The following GSC variants were observed in gnomAD, a reference collection of about 807,000 sequenced individuals.
GSC encodes the protein goosecoid homeobox.
GSC carries 13 observed loss-of-function variants against 24.5 expected under a neutral mutation model. The ratio of observed to expected loss-of-function variants is 0.53; its 90% CI spans 0.35 to 0.84. The LOEUF is 0.84. Among genes scored for constraint, GSC ranks in the 40% least tolerant of loss-of-function variants. The pLI, the probability that GSC is intolerant of heterozygous loss-of-function variation, is 0.01. For synonymous variants in GSC, 199 were observed against 182.1 expected (o/e 1.09, Z -0.75); for missense variants, 382 against 384.2 (o/e 0.99, Z 0.05).
rs371496658 is a variant in GSC at position 94,768,467 on chromosome 14, A to C, written c.*24T>G. The C allele has an allele frequency of 1.1e-4, 173 of 1,613,944 alleles. No homozygotes were observed. The highest frequency in any genetic ancestry group is 1.4e-4 in the Non-Finnish European group (169 of 1,179,944). On this transcript the variant is annotated 3_prime_UTR_variant, in exon 3 of 3. Coordinates refer to ENST00000238558, the MANE Select transcript of GSC (RefSeq NM_173849.3). ...GCAAGTCCTTCGAGTTAGGTAAGTA[A>C]TACGGGCAAGTGTCCCGCGGCCGTC... is the stretch of plus-strand genomic sequence containing the variant.
chr14:94,768,735 C>G (rs1885220015), intron 2 of GSC, 86 bp from the exon 3 acceptor site: 2 of 1,547,328 alleles, frequency 1.3e-6, no homozygotes, highest in East Asian at 4.5e-5. Flanking sequence ...GGTGTGGCGG[C>G]GGGACACCCC....
In GSC at chr14:94,770,043, G is replaced by T. The variant is rs776496067; in HGVS notation, c.-28C>A. 7 of 1,534,044 alleles carry T rather than the reference G, an allele frequency of 4.6e-6. No individual in the cohort carries two copies. Among genetic ancestry groups the T allele is most frequent in the Non-Finnish European group, 4.4e-6 (5 of 1,147,686 alleles). On this transcript the variant is annotated 5_prime_UTR_variant, in exon 1 of 3. Coordinates refer to ENST00000238558, the MANE Select transcript of GSC (RefSeq NM_173849.3). ...CCGAGCCCCGCGTCGGGACCGGGGGGCGGCGGGAACGCGCCGAGGACAGAG... is the reference window on the plus strand; with the variant it reads ...CCGAGCCCCGCGTCGGGACCGGGGGTCGGCGGGAACGCGCCGAGGACAGAG...
chr14:94,769,458 C>T (rs1357815870), intron 1 of GSC, among the ~76,000 whole-genome samples: 2 of 151,320 alleles, frequency 1.3e-5, no homozygotes, highest in African/African-American at 4.9e-5. Flanking sequence ...ACCCAGTTTC[C>T]CCGGGCAGGC....
rs1358863231 is a variant in GSC, at chr14:94,768,370, CT to C, written c.*120del. 7 of 1,290,374 alleles carry C rather than the reference CT, an allele frequency of 5.4e-6. No individual in the cohort carries two copies. The highest frequency in any genetic ancestry group is 7.8e-6 in the Non-Finnish European group (7 of 894,788). The allele number at this position is 1,290,374 out of a possible 1,614,324, so 79.9% of individuals were successfully genotyped here. A position where few individuals can be genotyped will look rare whatever the true frequency, so the allele number is the denominator to read the frequency against. Reference sequence around the variant, plus strand: ...TCCCGGCTCTGTACACTATTTACAGCTCCTCGTTCCTCTTTCTCGACCCCCT... The same window carrying C: ...TCCCGGCTCTGTACACTATTTACAGCCCTCGTTCCTCTTTCTCGACCCCCT... On this transcript the variant is annotated 3_prime_UTR_variant, in exon 3 of 3. Transcript: ENST00000238558.
At position 94,768,461 on chromosome 14, in the gene GSC, T is replaced by C; in HGVS notation, c.*30A>G. Reference sequence around the variant, plus strand: ...GTCTGTGCAAGTCCTTCGAGTTAGGTAAGTAATACGGGCAAGTGTCCCGCG... The same window carrying C: ...GTCTGTGCAAGTCCTTCGAGTTAGGCAAGTAATACGGGCAAGTGTCCCGCG... On this transcript the variant is annotated 3_prime_UTR_variant, in exon 3 of 3. Transcript: ENST00000238558. 1 of 1,613,776 alleles carries C rather than the reference T, an allele frequency of 6.2e-7. No individual in the cohort carries two copies. Among genetic ancestry groups the C allele is most frequent in the Non-Finnish European group, 8.5e-7 (1 of 1,179,706 alleles).
At position 94,768,389 on chromosome 14, in the gene GSC, G is replaced by A. The variant is rs747785381; in HGVS notation, c.*102C>T. The stretch of plus-strand genomic sequence containing the variant: ...TTACAGCTCCTCGTTCCTCTTTCTC[G>A]ACCCCCTCCCGCAAGGCAGCGCGTG... On this transcript the variant is annotated 3_prime_UTR_variant, in exon 3 of 3. Coordinates refer to ENST00000238558, the MANE Select transcript of GSC (RefSeq NM_173849.3). The A allele has an allele frequency of 7.0e-7, 1 of 1,419,004 alleles. No homozygotes were observed. The highest frequency in any genetic ancestry group is 1.4e-5 in the African/African-American group (1 of 71,160). The allele number at this position is 1,419,004 out of a possible 1,614,324, so 87.9% of individuals were successfully genotyped here.
At position 94,769,174 on chromosome 14, in the gene GSC, G is replaced by T. The variant is rs919228928; in HGVS notation, c.399C>A (p.His133Gln). ...PGSVLVSPVPHQMLPYMNVGT... is the reference protein window; with the variant it reads ...PGSVLVSPVPQQMLPYMNVGT... The stretch of plus-strand genomic sequence containing the variant: ...CCACGTTCATGTAGGGCAGCATCTG[G>T]TGCGGTACCGGGGACACCAGCACCG... Residue 133 changes from histidine to glutamine, a missense_variant, in exon 2 of 3, where the codon CAC becomes CAA. Physicochemically the swap from His to Gln is conservative, Grantham distance 24. Coordinates refer to ENST00000238558, the MANE Select transcript of GSC (RefSeq NM_173849.3). 1.3e-6 allele frequency: 2 copies of T among 1,562,710 alleles called. No individual in the cohort carries two copies. The highest frequency in any genetic ancestry group is 2.7e-5 in the African/African-American group (2 of 73,788).
At position 94,769,150 on chromosome 14, in the gene GSC, C is replaced by G. The variant is rs758309685; in HGVS notation, c.423G>C (p.Val141=). 3.8e-6 allele frequency: 6 copies of G among 1,569,472 alleles called. No homozygotes were observed. The East Asian group carries it at 1.2e-4, about 31-fold the overall frequency. ...VPHQMLPYMN[V]GTLSRTELQL... is the part of the protein sequence containing the mutation. ...GCAGCTCGGTGCGCGACAGCGTGCC[C>G]ACGTTCATGTAGGGCAGCATCTGGT... The change falls in exon 2 of 3, where the codon GTG becomes GTC. Residue 141 remains valine, a synonymous_variant. Coordinates refer to ENST00000238558, the MANE Select transcript of GSC (RefSeq NM_173849.3).
Position 94,769,967 on chromosome 14 carries a change from G to A in GSC, c.49C>T (p.Arg17Cys). 6.4e-7 allele frequency: 1 copy of A among 1,556,198 alleles called. No individual in the cohort carries two copies. Among genetic ancestry groups the A allele is most frequent in the South Asian group, 1.2e-5 (1 of 85,650 alleles). The part of the protein sequence containing the change: ...SIDNILAARP[R>C]CKDSVLPVAH... ...ACCGGCAACACCGAGTCCTTGCAGC[G>A]CGGCCGGGCGGCTAGGATGTTGTCG... Residue 17 changes from arginine to cysteine, a missense_variant, in exon 1 of 3, where the codon CGC (arginine) becomes TGC (cysteine). Physicochemically the swap from Arg to Cys is radical, Grantham distance 180. Transcript: ENST00000238558.
Position 94,770,036 on chromosome 14 carries a change from C to G in GSC, c.-21G>C. On this transcript the variant is annotated 5_prime_UTR_variant, in exon 1 of 3. Coordinates refer to ENST00000238558, the MANE Select transcript of GSC (RefSeq NM_173849.3). ...GGCATCCCCGAGCCCCGCGTCGGGA[C>G]CGGGGGGCGGCGGGAACGCGCCGAG... The G allele has an allele frequency of 1.3e-6, 2 of 1,540,386 alleles. No homozygotes were observed. The highest frequency in any genetic ancestry group is 1.7e-6 in the Non-Finnish European group (2 of 1,151,132).
rs1165043427 is a variant in GSC at position 94,769,858 on chromosome 14, T to A, written c.158A>T (p.Asp53Val). 6.7e-7 allele frequency: 1 copy of A among 1,492,796 alleles called. No individual in the cohort carries two copies. Among genetic ancestry groups the A allele is most frequent in the Non-Finnish European group, 8.9e-7 (1 of 1,129,710 alleles). The allele number at this position is 1,492,796 out of a possible 1,614,324, so 92.5% of individuals were successfully genotyped here. ...GGGGCGCGGGTAGAAGGCGCCATAG[T>A]CCGAGGAGGCGCCGCCGCTGGCGCC... ...LYGASGGASS[D>V]YGAFYPRPVA... is the part of the protein sequence containing the mutation. The change falls in exon 1 of 3, where the codon GAC becomes GTC. Residue 53 changes from aspartate to valine, a missense_variant. Physicochemically the swap from Asp to Val is radical, Grantham distance 152 (BLOSUM62 -3). Coordinates refer to ENST00000238558, the MANE Select transcript of GSC (RefSeq NM_173849.3).
Position 94,769,823 on chromosome 14 carries a change from CG to C in GSC, c.192del (p.Gly65AlafsTer75). ...ACCGCGGCCGGGAGGCCCGCGCCGC[CG>C]GGGGCCACGGGGCGCGGGTAGAAGG... The part of the protein sequence containing the change: ...YGAFYPRPVA[P>X]GGAGLPAAVS... On this transcript the variant is annotated frameshift_variant, in exon 1 of 3. Coordinates refer to ENST00000238558, the MANE Select transcript of GSC (RefSeq NM_173849.3). LOFTEE classifies it high-confidence loss of function. 7.1e-7 allele frequency: 1 copy of C among 1,413,232 alleles called. No homozygotes were observed. Among genetic ancestry groups the C allele is most frequent in the Non-Finnish European group, 9.1e-7 (1 of 1,096,682 alleles). 87.5% of individuals were successfully genotyped at this position (1,413,232 alleles called of 1,614,324 possible).
chr14:94,768,976 G>T lies in GSC; in HGVS notation c.597C>A (p.Leu199=). 6.3e-7 allele frequency: 1 copy of T among 1,591,068 alleles called. No homozygotes were observed. The highest frequency in any genetic ancestry group is 2.3e-5 in the East Asian group (1 of 43,618). ...CGCCTACCTCCACTTTCTCCTCGCGGAGGTGCACTTTCCGGGCCAGCTGCT... is the reference window on the plus strand; with the variant it reads ...CGCCTACCTCCACTTTCTCCTCGCGTAGGTGCACTTTCCGGGCCAGCTGCT... The part of the protein sequence containing the change: ...TREQLARKVH[L]REEKVEVWFK... The change falls in exon 2 of 3, where the codon CTC becomes CTA. Residue 199 remains leucine, a synonymous_variant. Transcript: ENST00000238558.
Position 94,768,618 on chromosome 14 carries a change from C to T in GSC, c.647G>A (p.Arg216Lys). The change falls in exon 3 of 3, where the codon AGG becomes AAG. Residue 216 changes from arginine to lysine, a missense_variant. By Grantham distance (26) the Arg-to-Lys change is conservative (BLOSUM62 2). Transcript: ENST00000238558. ...CTCTGATGAGGACCGCTTCTGCCGC[C>T]TCCATTTGGCGCGGCGGTTCTTAAA... ...VWFKNRRAKW[R>K]RQKRSSSEES... 6.2e-7 allele frequency: 1 copy of T among 1,614,052 alleles called. No homozygotes were observed. The highest frequency in any genetic ancestry group is 8.5e-7 in the Non-Finnish European group (1 of 1,180,050).
chr14:94,768,614 C>A lies in GSC; in HGVS notation c.651G>T (p.Arg217=). Residue 217 remains arginine (R), a synonymous_variant, in exon 3 of 3, where the codon CGG becomes CGT. Coordinates refer to ENST00000238558, the MANE Select transcript of GSC (RefSeq NM_173849.3). ...WFKNRRAKWR[R]QKRSSSEESE... ...ACTCCTCTGATGAGGACCGCTTCTG[C>A]CGCCTCCATTTGGCGCGGCGGTTCT... 1 of 1,614,026 alleles carries A rather than the reference C, an allele frequency of 6.2e-7. No individual in the cohort carries two copies. The highest frequency in any genetic ancestry group is 1.1e-5 in the South Asian group (1 of 91,088).
In GSC at chr14:94,768,871, G is replaced by C. The variant is rs539446199; in HGVS notation, c.615+87C>G. On this transcript the variant is annotated intron_variant, in intron 2 of 2. Transcript: ENST00000238558. ...TCGGGATGTTTTTAAAGTGCGGGGA[G>C]AGCCAAGCAGGGCTGGGCAAACCCG... The C allele has an allele frequency of 1.5e-4, 228 of 1,501,742 alleles. 1 individual carries two copies. In the African/African-American group the frequency reaches 2.4e-3, roughly 16 times the overall value. The allele number at this position is 1,501,742 out of a possible 1,614,324, so 93.0% of individuals were successfully genotyped here.
Position 94,769,681 on chromosome 14 carries a change from G to A in GSC, c.335C>T (p.Ser112Phe). 1 of 1,448,064 alleles carries A rather than the reference G, an allele frequency of 6.9e-7. No individual in the cohort carries two copies. Among genetic ancestry groups the A allele is most frequent in the East Asian group, 2.9e-5 (1 of 34,960 alleles). 89.7% of individuals were successfully genotyped at this position (1,448,064 alleles called of 1,614,324 possible). The change falls in exon 1 of 3, where the codon TCC becomes TTC. Residue 112 changes from serine (S) to phenylalanine (F), a missense_variant. Physicochemically the swap from Ser to Phe is radical, Grantham distance 155. Transcript: ENST00000238558. ...AVPPLGAQQCSCVPTPPGYEG... is the reference protein window; with the variant it reads ...AVPPLGAQQCFCVPTPPGYEG... ...CCTACCTGGGGGCGTCGGGACGCAGGAGCACTGCTGGGCGCCCAGCGGCGG... is the reference window on the plus strand; with the variant it reads ...CCTACCTGGGGGCGTCGGGACGCAGAAGCACTGCTGGGCGCCCAGCGGCGG...
chr14:94,769,916 C>T lies in GSC; in HGVS notation c.100G>A (p.Val34Ile), dbSNP rs1348239887. The change falls in exon 1 of 3, where the codon GTC (valine) becomes ATC (isoleucine). Residue 34 changes from valine to isoleucine, a missense_variant. Coordinates refer to ENST00000238558, the MANE Select transcript of GSC (RefSeq NM_173849.3). ...GAGTCCCCGTGCAGGGCCGGGAAGACGACGGGAGCCGCCGCGCTGTGCGCC... is the reference window on the plus strand; with the variant it reads ...GAGTCCCCGTGCAGGGCCGGGAAGATGACGGGAGCCGCCGCGCTGTGCGCC... The part of the protein sequence containing the change: ...PVAHSAAAPV[V>I]FPALHGDSLY... The T allele has an allele frequency of 9.8e-6, 15 of 1,532,712 alleles. 1 individual carries two copies. In the Admixed American group the frequency reaches 2.7e-4, roughly 28 times the overall value. 94.9% of individuals were successfully genotyped at this position (1,532,712 alleles called of 1,614,324 possible). A position where few individuals can be genotyped will look rare whatever the true frequency, so the allele number is the denominator to read the frequency against.
intron 2 of GSC, 51 bp from the exon 3 acceptor site, chr14:94,768,700 C>A (rs148850972): frequency 6.2e-7 from 1 of 1,605,184 alleles, no homozygotes; most frequent in Non-Finnish European, 8.5e-7. Flanking sequence ...GCGCTTCCCC[C>A]AGTCCCGGGG....
Sources: gnomAD v4.1 joint callset for allele counts (sites outside exome capture counted in the v4.1 genomes callset) on GRCh38, gnomAD v4.1.1 for gene constraint, MANE v1.5 for transcripts, NCBI Gene and HGNC (gene_info 2026-07-23, HGNC 2026-07-21) for gene names.